Variants in KIAA1328 observed in about 807,000 individuals in gnomAD.
KIAA1328 encodes the protein KIAA1328, also known as protein hinderin.
In KIAA1328, 52 loss-of-function variants were observed where a neutral mutation model predicts 68.1. The observed-to-expected ratio is 0.76, with a 90% CI of 0.61 to 0.96. The LOEUF (loss-of-function observed/expected upper bound fraction) is 0.96. Ranked by LOEUF, KIAA1328 falls within the 40% of genes least tolerant of loss-of-function variation. The pLI is 0.00. For synonymous variants in KIAA1328, 232 were observed against 239.4 expected (o/e 0.97, Z 0.28); for missense variants, 641 against 677.6 (o/e 0.95, Z 0.60).
intron 4 of KIAA1328, among the ~76,000 whole-genome samples, chr18:36,870,010 G>A (rs150116067): frequency 7.9e-5 from 12 of 151,946 alleles, no homozygotes; most frequent in Middle Eastern, 3.4e-3. Context: ...TTACAGGTGC[G>A]CGCCACCACG....
intron 5 of KIAA1328, among the ~76,000 whole-genome samples, chr18:36,944,878 G>A (rs1436768486): frequency 6.6e-6 from 1 of 152,110 alleles, no homozygotes; most frequent in Non-Finnish European, 1.5e-5. Flanking sequence ...AGTGAGTGAT[G>A]GAAAACATAT....
intron 4 of KIAA1328, among the ~76,000 whole-genome samples, chr18:36,857,591 A>G (rs1367626697): frequency 6.6e-6 from 1 of 152,214 alleles, no homozygotes; most frequent in East Asian, 1.9e-4. Flanking sequence ...GCACCATACC[A>G]TCCTTTTACC....
At chr18:37,014,925 A>G (rs2054099397) in intron 6 of KIAA1328, among the ~76,000 whole-genome samples, 1 of 152,062 alleles carries the variant, frequency 6.6e-6, no homozygotes, top group Non-Finnish European at 1.5e-5. Flanking sequence ...ATTTTTTTAG[A>G]CAGAGTCTAG....
At chr18:37,028,567 T>C (rs2054691120) in intron 6 of KIAA1328, among the ~76,000 whole-genome samples, 3 of 151,942 alleles carry the variant, frequency 2.0e-5, no homozygotes, top group Admixed American at 2.0e-4. Context: ...CTGTGTCAAA[T>C]AGGAGTGGCG....
chr18:37,103,104 T>C (rs933079635), intron 7 of KIAA1328, among the ~76,000 whole-genome samples: 5 of 152,184 alleles, frequency 3.3e-5, no homozygotes, highest in African/African-American at 1.2e-4. Flanking sequence ...GACTCCACTA[T>C]TCAGAGCAAT....
chr18:37,073,578 C>G (rs896744518), intron 7 of KIAA1328, among the ~76,000 whole-genome samples: 3 of 152,112 alleles, frequency 2.0e-5, no homozygotes, highest in African/African-American at 7.2e-5. Context: ...TGTACAATTT[C>G]TCTTGTTCTA....
chr18:36,848,830 C>CT (rs2047121125), intron 4 of KIAA1328, among the ~76,000 whole-genome samples: 1 of 150,148 alleles, frequency 6.7e-6, no homozygotes, highest in African/African-American at 2.4e-5. Flanking sequence ...GATTTTTATT[C>CT]TTTTTTCCGT....
chr18:37,052,067 A>G (rs2055719018), intron 6 of KIAA1328, among the ~76,000 whole-genome samples: 1 of 152,084 alleles, frequency 6.6e-6, no homozygotes, highest in African/African-American at 2.4e-5. Context: ...ACAGGCCAGT[A>G]TCCCTGATTA....
At chr18:37,096,880 A>G (rs1316626375) in intron 7 of KIAA1328, among the ~76,000 whole-genome samples, 1 of 152,222 alleles carries the variant, frequency 6.6e-6, no homozygotes, top group Non-Finnish European at 1.5e-5. Context: ...TTCTTTTGAG[A>G]AGTGTCTGTT....
chr18:37,221,572 C>G (rs1032558314), intron 9 of KIAA1328, among the ~76,000 whole-genome samples: 3 of 152,176 alleles, frequency 2.0e-5, no homozygotes, highest in Non-Finnish European at 4.4e-5. Flanking sequence ...AGATGAGTTA[C>G]TTCCCTGAGC....
At chr18:37,090,322 T>A (rs919709665) in intron 7 of KIAA1328, among the ~76,000 whole-genome samples, 1 of 151,950 alleles carries the variant, frequency 6.6e-6, no homozygotes, top group African/African-American at 2.4e-5. Context: ...ATTTAGGGAG[T>A]TCTAGTGTTA....
intron 6 of KIAA1328, among the ~76,000 whole-genome samples, chr18:36,961,651 G>C (rs901227111): frequency 6.6e-6 from 1 of 152,166 alleles, no homozygotes; most frequent in South Asian, 2.1e-4. Context: ...AAGAGAGTGG[G>C]GGCCAATCTT....
At chr18:36,950,513 T>C (rs2051115144) in intron 5 of KIAA1328, among the ~76,000 whole-genome samples, 1 of 152,186 alleles carries the variant, frequency 6.6e-6, no homozygotes, top group Non-Finnish European at 1.5e-5. Flanking sequence ...TATAGTCAAA[T>C]AATTTTAACT....
At chr18:36,840,804 C>T (rs1466881278) in intron 3 of KIAA1328, among the ~76,000 whole-genome samples, 1 of 151,994 alleles carries the variant, frequency 6.6e-6, no homozygotes, top group Non-Finnish European at 1.5e-5. Context: ...GTTGAGTATC[C>T]TTAATTCATT....
chr18:37,067,034 G>C lies in KIAA1328; in HGVS notation c.721G>C (p.Ala241Pro). The C allele has an allele frequency of 6.2e-7, 1 of 1,613,900 alleles. No individual in the cohort carries two copies. The highest frequency in any genetic ancestry group is 8.5e-7 in the Non-Finnish European group (1 of 1,179,860). Residue 241 changes from alanine (A) to proline (P), a missense_variant, in exon 7 of 10, where the codon GCA (alanine) becomes CCA (proline). By Grantham distance (27) the Ala-to-Pro change is conservative. Transcript: ENST00000280020. ...GGATTCAGCTTCAGAATCCCTTATA[G>C]CATTTAGGAATAATTCTTTGAAACC... ...VQDSASESLI[A>P]FRNNSLKPVT...
At chr18:36,958,269 G>A (rs1462102806) in intron 5 of KIAA1328, among the ~76,000 whole-genome samples, 1 of 151,920 alleles carries the variant, frequency 6.6e-6, no homozygotes, top group Non-Finnish European at 1.5e-5. Context: ...GTATATACAA[G>A]TTTTTGTGTG....
intron 7 of KIAA1328, among the ~76,000 whole-genome samples, chr18:37,114,795 A>G (rs1198913153): frequency 6.6e-6 from 1 of 152,248 alleles, no homozygotes; most frequent in Non-Finnish European, 1.5e-5. Flanking sequence ...GAAAAGAGAA[A>G]GAATCAAATA....
intron 7 of KIAA1328, among the ~76,000 whole-genome samples, chr18:37,131,374 G>T (rs79225082): frequency 2.4e-4 from 36 of 152,284 alleles, no homozygotes; most frequent in Non-Finnish European, 4.9e-4. Context: ...CAACCTTGTG[G>T]ACCATAGTTT....
intron 5 of KIAA1328, among the ~76,000 whole-genome samples, chr18:36,938,904 G>GT (rs1289128560): frequency 1.3e-5 from 2 of 152,070 alleles, no homozygotes; most frequent in South Asian, 2.1e-4. Flanking sequence ...AAATGCGTGG[G>GT]TTTATTTTTT....
Sources: gnomAD v4.1 joint callset for allele counts (sites outside exome capture counted in the v4.1 genomes callset) on GRCh38, gnomAD v4.1.1 for gene constraint, MANE v1.5 for transcripts, NCBI Gene and HGNC (gene_info 2026-07-23, HGNC 2026-07-21) for gene names.